The following SIL1 variants were observed in gnomAD, a reference collection of about 807,000 sequenced individuals.
SIL1 encodes the protein nucleotide exchange factor SIL1.
Under a neutral mutation model 49.1 loss-of-function variants are expected in SIL1, and 40 were observed. The ratio of observed to expected loss-of-function variants is 0.81; its 90% CI spans 0.63 to 1.06. SIL1 has a LOEUF of 1.06. Among genes scored for constraint, SIL1 ranks in the 50% least tolerant of loss-of-function variants. SIL1 has a pLI of 0.00. For missense variants in SIL1, 500 were observed against 572.6 expected, an observed-to-expected ratio of 0.87 and a Z score of 1.29; for synonymous variants, 253 against 250.8, an observed-to-expected ratio of 1.01 and a Z score of -0.08.
At position 138,951,269 on chromosome 5, in the gene SIL1, C is replaced by T. The variant is rs760154020; in HGVS notation, c.931G>A (p.Gly311Arg). ...PYAQRQFLKL[G>R]GLQVLRTLVQ... ...AGGGTCCTCAGGACCTGCAGCCCCCCGAGCTTCAGGAACTGCCGCTGGGCA... is the reference window on the plus strand; with the variant it reads ...AGGGTCCTCAGGACCTGCAGCCCCCTGAGCTTCAGGAACTGCCGCTGGGCA... The change falls in exon 9 of 10, where the codon GGG becomes AGG. Residue 311 changes from glycine (G) to arginine (R), a missense_variant. By Grantham distance (125) the Gly-to-Arg change is moderately radical. Coordinates refer to ENST00000394817, the MANE Select transcript of SIL1 (RefSeq NM_022464.5). The T allele has an allele frequency of 1.7e-5, 27 of 1,583,822 alleles. No homozygotes were observed. The highest frequency in any genetic ancestry group is 6.9e-5 in the East Asian group (3 of 43,322).
intron 1 of SIL1, among the ~76,000 whole-genome samples, chr5:139,132,046 T>TACAC (rs372197238): frequency 6.6e-6 from 1 of 151,364 alleles, no homozygotes; most frequent in Non-Finnish European, 1.5e-5. Context: ...CTCATGTGTA[T>TACAC]ACACACACAC....
At chr5:139,126,520 C>A (rs1019709550) in intron 2 of SIL1, among the ~76,000 whole-genome samples, 1 of 152,162 alleles carries the variant, frequency 6.6e-6, no homozygotes, top group Non-Finnish European at 1.5e-5. Flanking sequence ...CTGGGCCATT[C>A]CACCGCCAAC....
chr5:139,146,474 T>C (rs567219310), intron 1 of SIL1, among the ~76,000 whole-genome samples: 102 of 152,194 alleles, frequency 6.7e-4, no homozygotes, highest in African/African-American at 2.4e-3. Flanking sequence ...GGGAGAATCA[T>C]TTGAGCCCTG....
intron 3 of SIL1, among the ~76,000 whole-genome samples, chr5:139,094,888 C>T (rs1027152041): frequency 1.3e-5 from 2 of 152,206 alleles, no homozygotes; most frequent in Middle Eastern, 3.2e-3. Context: ...CCTTGTTTAT[C>T]AAAACCATGA....
rs372589994 is a variant in SIL1 at position 139,021,185 on chromosome 5, G to A, written c.753C>T (p.Gly251=). The A allele has an allele frequency of 2.7e-5, 43 of 1,614,014 alleles. No homozygotes were observed. Among genetic ancestry groups the A allele is most frequent in the African/African-American group, 1.9e-4 (14 of 74,906 alleles). Residue 251 remains glycine (G), a synonymous_variant, in exon 7 of 10, where the codon GGC becomes GGT. Transcript: ENST00000394817. ...ATACTGCTCACCTGGAAAAGGCAGC[G>A]CCCAGCACAAACGCAGCATACTCCT... ...LVKEYAAFVL[G]AAFSSNPKVQ...
At chr5:139,073,602 G>C (rs760165782) in intron 3 of SIL1, among the ~76,000 whole-genome samples, 3 of 152,070 alleles carry the variant, frequency 2.0e-5, no homozygotes, top group Non-Finnish European at 4.4e-5. Flanking sequence ...TTAGATAGGA[G>C]GAATAAATTC....
At chr5:139,086,117 A>G (rs1344027477) in intron 3 of SIL1, among the ~76,000 whole-genome samples, 1 of 151,540 alleles carries the variant, frequency 6.6e-6, no homozygotes, top group Admixed American at 6.6e-5. Flanking sequence ...CGAAAAAAAA[A>G]AAAAAATTAG....
intron 3 of SIL1, among the ~76,000 whole-genome samples, chr5:139,058,289 C>G (rs1769503026): frequency 6.6e-6 from 1 of 151,662 alleles, no homozygotes; most frequent in South Asian, 2.1e-4. Context: ...CACTCGTGGT[C>G]TGGAGTTAGA....
intron 3 of SIL1, among the ~76,000 whole-genome samples, chr5:139,094,104 C>T (rs993943268): frequency 2.6e-5 from 4 of 152,184 alleles, no homozygotes; most frequent in African/African-American, 9.7e-5. Flanking sequence ...GTGAACACAT[C>T]GTGTTTCTGT....
chr5:139,090,802 C>G (rs1346872771), intron 3 of SIL1, among the ~76,000 whole-genome samples: 1 of 152,048 alleles, frequency 6.6e-6, no homozygotes, highest in East Asian at 1.9e-4. Flanking sequence ...GACAGGATCT[C>G]TCTCTGTTGC....
intron 1 of SIL1, among the ~76,000 whole-genome samples, chr5:139,152,389 G>A (rs1751320188): frequency 6.6e-6 from 1 of 152,128 alleles, no homozygotes; most frequent in African/African-American, 2.4e-5. Flanking sequence ...AGGAGGCCGA[G>A]GCAGGTGGAC....
At chr5:139,198,247 G>C (rs1257717504) in intron 1 of SIL1, 22 bp downstream of exon 1, 1 of 152,218 alleles carries the variant, frequency 6.6e-6, no homozygotes, top group Non-Finnish European at 1.5e-5. Flanking sequence ...CTCCAGGGCC[G>C]GGCGGCCCTC....
At chr5:139,027,235 A>C (rs1372869739) in intron 5 of SIL1, among the ~76,000 whole-genome samples, 1 of 152,244 alleles carries the variant, frequency 6.6e-6, no homozygotes, top group East Asian at 1.9e-4. Context: ...CGCTTATTCA[A>C]GTCCGATTTC....
At chr5:139,177,033 T>C (rs972178138) in intron 1 of SIL1, among the ~76,000 whole-genome samples, 9 of 146,558 alleles carry the variant, frequency 6.1e-5, no homozygotes, top group African/African-American at 1.7e-4. Flanking sequence ...TCTGGGTTCA[T>C]GCCATTCTCC....
chr5:139,046,042 A>G (rs1055616525), intron 4 of SIL1, among the ~76,000 whole-genome samples: 15 of 152,158 alleles, frequency 9.9e-5, no homozygotes, highest in African/African-American at 3.6e-4. Flanking sequence ...AAATCTTCCA[A>G]TGGCAGCTGG....
chr5:139,132,175 G>A (rs1473832722), intron 1 of SIL1, among the ~76,000 whole-genome samples: 3 of 152,152 alleles, frequency 2.0e-5, no homozygotes, highest in Non-Finnish European at 4.4e-5. Context: ...GAAGGAAATA[G>A]TCAAGGGCAA....
At position 139,076,460 on chromosome 5, in the gene SIL1, T is replaced by A. The variant is rs573096065; in HGVS notation, c.245-25414A>T. 9.1e-4 allele frequency among the ~76,000 whole-genome samples: 139 copies of A among 152,224 alleles called. 1 individual carries two copies. Among genetic ancestry groups the A allele is most frequent in the African/African-American group, 3.2e-3 (133 of 41,538 alleles). On this transcript the variant is annotated intron_variant, in intron 3 of 9. Transcript: ENST00000394817. ...TCACTTTAGTAACAGAAGCTAAAAG[T>A]CAAATGCATTACATGGAAAGCCACT...
At chr5:139,017,087 C>G (rs13153618) in intron 7 of SIL1, 1 of 151,970 alleles carries the variant, frequency 6.6e-6, no homozygotes, top group Non-Finnish European at 1.5e-5. Flanking sequence ...CTGGCTCAAG[C>G]AATCCACCTG....
chr5:139,103,102 G>A (rs992956036), intron 3 of SIL1, among the ~76,000 whole-genome samples: 45 of 152,216 alleles, frequency 3.0e-4, no homozygotes, highest in African/African-American at 9.6e-4. Flanking sequence ...GGCATTAGGC[G>A]CTCAGTAAAC....
Sources: allele counts gnomAD v4.1 joint callset (sites outside exome capture counted in the v4.1 genomes callset), GRCh38; gene constraint gnomAD v4.1.1; transcripts MANE v1.5; gene names NCBI Gene and HGNC (gene_info 2026-07-23, HGNC 2026-07-21).